Variants in CACNA2D3 observed in about 807,000 individuals in gnomAD.
The protein encoded by CACNA2D3 is voltage-dependent calcium channel subunit alpha-2/delta-3.
CACNA2D3 carries 60 observed loss-of-function variants against 160.6 expected under a neutral mutation model. The observed-to-expected ratio is 0.37, with a 90% CI of 0.30 to 0.46. The LOEUF is 0.46. Ranked by LOEUF, CACNA2D3 falls within the 20% of genes least tolerant of loss-of-function variation. The probability of loss-of-function intolerance (pLI) is 1.00; values close to 1 mark genes in which losing one functional copy is unlikely to be tolerated. For missense variants in CACNA2D3, 1,205 were observed against 1,365.0 expected (o/e 0.88, Z 1.85); for synonymous variants, 558 against 492.9 (o/e 1.13, Z -1.75).
intron 29 of CACNA2D3, among the ~76,000 whole-genome samples, chr3:54,972,725 A>G (rs560547303): frequency 5.3e-5 from 8 of 152,294 alleles, no homozygotes; most frequent in East Asian, 3.9e-4. Flanking sequence ...ATGCTCTGCC[A>G]TCTTGTAGAG....
rs145699852 is a variant in CACNA2D3, at chr3:54,728,359, A to G, written c.1168-24240A>G. Among the ~76,000 whole-genome samples, 441 of 152,268 alleles carry G rather than the reference A, an allele frequency of 2.9e-3. 2 individuals are homozygous for G. Among genetic ancestry groups the G allele is most frequent in the Non-Finnish European group, 4.9e-3 (335 of 68,010 alleles). On this transcript the variant is annotated intron_variant, in intron 11 of 37. Coordinates refer to ENST00000474759, the MANE Select transcript of CACNA2D3 (RefSeq NM_018398.3). ...TCTCTTCGGTAGTGTCTAATCTTCT[A>G]TTAAATAGATATGATGAATTCTTAA...
At chr3:55,051,827 G>A (rs1003858036) in intron 35 of CACNA2D3, among the ~76,000 whole-genome samples, 6 of 152,138 alleles carry the variant, frequency 3.9e-5, no homozygotes, top group African/African-American at 7.2e-5. Flanking sequence ...TTTTAAGCCC[G>A]TCGGAAAAGC....
At chr3:54,207,372 C>T (rs78381466) in intron 2 of CACNA2D3, among the ~76,000 whole-genome samples, 4,884 of 150,758 alleles carry the variant, frequency 0.032, 212 homozygotes, top group South Asian at 0.13. Context: ...CTGGGCTTGC[C>T]CGTGACCTGG....
chr3:54,124,691 C>T (rs933217343), intron 2 of CACNA2D3, among the ~76,000 whole-genome samples: 1 of 152,138 alleles, frequency 6.6e-6, no homozygotes, highest in Non-Finnish European at 1.5e-5. Flanking sequence ...ATCCAAATAT[C>T]GTAATAAAGC....
intron 4 of CACNA2D3, among the ~76,000 whole-genome samples, chr3:54,473,266 A>G (rs951386642): frequency 2.0e-5 from 3 of 152,222 alleles, no homozygotes; most frequent in Non-Finnish European, 4.4e-5. Context: ...AAACCTGACA[A>G]AAATAAGCAA....
At chr3:54,437,957 A>T (rs1700084668) in intron 4 of CACNA2D3, among the ~76,000 whole-genome samples, 1 of 152,174 alleles carries the variant, frequency 6.6e-6, no homozygotes, top group Non-Finnish European at 1.5e-5. Context: ...TTCTTTGATG[A>T]GGTAGGAGGA....
chr3:54,549,189 G>A (rs1702113336), intron 5 of CACNA2D3, among the ~76,000 whole-genome samples: 1 of 152,196 alleles, frequency 6.6e-6, no homozygotes, highest in African/African-American at 2.4e-5. Context: ...GCTCCCGCCT[G>A]TAATCCCAGC....
At chr3:54,180,951 A>G (rs1161346342) in intron 2 of CACNA2D3, among the ~76,000 whole-genome samples, 1 of 152,162 alleles carries the variant, frequency 6.6e-6, no homozygotes, top group Non-Finnish European at 1.5e-5. Context: ...CCTTCAGTAG[A>G]TATCTCTGAG....
intron 3 of CACNA2D3, among the ~76,000 whole-genome samples, chr3:54,323,863 GC>G (rs1403039094): frequency 6.6e-6 from 1 of 152,036 alleles, no homozygotes; most frequent in East Asian, 1.9e-4. Context: ...CCATTTCCAA[GC>G]CCCCATCCCC....
At chr3:54,409,299 A>G (rs552710616) in intron 4 of CACNA2D3, among the ~76,000 whole-genome samples, 1 of 152,190 alleles carries the variant, frequency 6.6e-6, no homozygotes, top group Admixed American at 6.5e-5. Flanking sequence ...GGACGTTACT[A>G]TTGTAATTAT....
At chr3:54,646,051 C>T (rs1485406374) in intron 11 of CACNA2D3, among the ~76,000 whole-genome samples, 4 of 151,464 alleles carry the variant, frequency 2.6e-5, no homozygotes, top group East Asian at 1.9e-4. Context: ...GGTTTTGTTT[C>T]AAGTCAGTTG....
At chr3:54,828,326 AT>A (rs1703788503) in intron 14 of CACNA2D3, among the ~76,000 whole-genome samples, 1 of 152,212 alleles carries the variant, frequency 6.6e-6, no homozygotes, top group African/African-American at 2.4e-5. Context: ...TTTCATTGTC[AT>A]TAGTCCTGGG....
intron 3 of CACNA2D3, among the ~76,000 whole-genome samples, chr3:54,360,994 AAAAG>A (rs1277049081): frequency 2.0e-5 from 3 of 152,144 alleles, no homozygotes; most frequent in Admixed American, 1.3e-4. Context: ...AAAATTTCAA[AAAAG>A]AAGAAGACCT....
chr3:54,991,677 G>T (rs1384324322), intron 31 of CACNA2D3, among the ~76,000 whole-genome samples: 1 of 152,042 alleles, frequency 6.6e-6, no homozygotes, highest in African/African-American at 2.4e-5. Context: ...TTCCTGACGG[G>T]GCCTTTGTGA....
At chr3:54,776,852 G>A (rs953622505) in intron 13 of CACNA2D3, among the ~76,000 whole-genome samples, 2 of 152,100 alleles carry the variant, frequency 1.3e-5, no homozygotes, top group African/African-American at 4.8e-5. Context: ...TGTGTGGGTG[G>A]TGGGAAGCCC....
intron 4 of CACNA2D3, among the ~76,000 whole-genome samples, chr3:54,488,726 G>A (rs145596793): frequency 2.6e-4 from 39 of 152,224 alleles, no homozygotes; most frequent in African/African-American, 7.5e-4. Context: ...ATTAGATACC[G>A]AGATTACAGT....
intron 12 of CACNA2D3, among the ~76,000 whole-genome samples, chr3:54,756,848 C>T (rs996664820): frequency 6.6e-6 from 1 of 152,140 alleles, no homozygotes; most frequent in Non-Finnish European, 1.5e-5. Context: ...CAATAGTTCT[C>T]TGCCTCCTCC....
intron 13 of CACNA2D3, among the ~76,000 whole-genome samples, chr3:54,786,619 A>G (rs1559581492): frequency 6.6e-6 from 1 of 152,210 alleles, no homozygotes; most frequent in Non-Finnish European, 1.5e-5. Flanking sequence ...TGGTAGGTAA[A>G]TAAATAGCAA....
intron 27 of CACNA2D3, chr3:54,925,158 G>A (rs781754883): frequency 6.2e-5 from 100 of 1,613,910 alleles, no homozygotes; most frequent in Middle Eastern, 1.6e-4. Context: ...ACACTTGTCC[G>A]GGCAGCTGCA....
Sources: allele counts gnomAD v4.1 joint callset (sites outside exome capture counted in the v4.1 genomes callset), GRCh38; gene constraint gnomAD v4.1.1; transcripts MANE v1.5; gene names NCBI Gene and HGNC (gene_info 2026-07-23, HGNC 2026-07-21).